The following KANK1 variants were observed in gnomAD, a reference collection of about 807,000 sequenced individuals.
KANK1 encodes the protein KN motif and ankyrin repeat domain-containing protein 1.
In KANK1, 109 loss-of-function variants were observed where a neutral mutation model predicts 106.2. That is an observed-to-expected ratio of 1.03 (90% CI 0.88 to 1.20). The LOEUF is 1.20. Ranked by LOEUF, KANK1 falls within the 50% of genes most tolerant of loss-of-function variation. KANK1 has a pLI of 0.00. For missense variants in KANK1, 2,399 were observed against 1,710.7 expected, an observed-to-expected ratio of 1.40 and a Z score of -7.10; for synonymous variants, 873 against 652.2, an observed-to-expected ratio of 1.34 and a Z score of -5.16.
intron 1 of KANK1, among the ~76,000 whole-genome samples, chr9:556,829 A>C (rs1348779711): frequency 6.6e-6 from 1 of 152,192 alleles, no homozygotes; most frequent in East Asian, 1.9e-4. Flanking sequence ...CGCTTGTTAC[A>C]GACTCACTTA....
intron 1 of KANK1, among the ~76,000 whole-genome samples, chr9:669,178 T>G (rs1424277516): frequency 6.6e-6 from 1 of 152,198 alleles, no homozygotes; most frequent in African/African-American, 2.4e-5. Flanking sequence ...GCTGTAGCTG[T>G]TAGGGTTTTT....
chr9:492,412 C>T (rs540137467), intron 3 of KANK1, among the ~76,000 whole-genome samples: 1 of 152,258 alleles, frequency 6.6e-6, no homozygotes, highest in South Asian at 2.1e-4. Context: ...GATTTACTTA[C>T]TAGATGTGTG....
upstream of KANK1, among the ~76,000 whole-genome samples, chr9:502,031 A>G (rs2132485466): frequency 6.6e-6 from 1 of 152,360 alleles, no homozygotes; most frequent in Admixed American, 6.5e-5. Flanking sequence ...GGAGGAAGAA[A>G]GTACTGAAAC....
At chr9:732,874 C>T in intron 6 of KANK1, 2 of 313,590 alleles carry the variant, frequency 6.4e-6, no homozygotes, top group Non-Finnish European at 1.2e-5. Context: ...CATATGGAAC[C>T]ACAATCCACT....
chr9:497,398 A>G (rs972796955), intron 3 of KANK1, among the ~76,000 whole-genome samples: 1 of 151,328 alleles, frequency 6.6e-6, no homozygotes, highest in African/African-American at 2.4e-5. Flanking sequence ...TCTGAGGGAG[A>G]CTCATTGGTG....
At chr9:689,863 C>T (rs888679683) in intron 2 of KANK1, among the ~76,000 whole-genome samples, 5 of 152,102 alleles carry the variant, frequency 3.3e-5, no homozygotes, top group Non-Finnish European at 7.4e-5. Flanking sequence ...CTGTCTCTTT[C>T]TAAGGCAAAT....
rs1032687611 is a variant in KANK1, at chr9:738,623, C to T, written c.3553+119C>T. The T allele has an allele frequency of 1.4e-5, 11 of 777,882 alleles. No homozygotes were observed. In the African/African-American group the frequency reaches 1.6e-4, roughly 11 times the overall value. 48.2% of individuals were successfully genotyped at this position (777,882 alleles called of 1,614,324 possible). A position where few individuals can be genotyped will look rare whatever the true frequency, so the allele number is the denominator to read the frequency against. On this transcript the variant is annotated intron_variant, in intron 8 of 11. Transcript: ENST00000382297. ...GACCATGCTAAAATCCTTTTTATTG[C>T]TTTTCCACATGACATGGCAAGAATT...
chr9:582,862 T>C (rs1434296961), intron 1 of KANK1, among the ~76,000 whole-genome samples: 1 of 152,254 alleles, frequency 6.6e-6, no homozygotes, highest in African/African-American at 2.4e-5. Context: ...ACTGTTACTA[T>C]AGACGTCACT....
At chr9:637,793 G>A (rs1411060686) in intron 1 of KANK1, among the ~76,000 whole-genome samples, 1 of 151,924 alleles carries the variant, frequency 6.6e-6, no homozygotes, top group African/African-American at 2.4e-5. Context: ...GACTACCAAT[G>A]TCATATATTT....
chr9:568,750 G>A (rs1017420267), intron 1 of KANK1, among the ~76,000 whole-genome samples: 2 of 151,998 alleles, frequency 1.3e-5, no homozygotes, highest in African/African-American at 2.4e-5. Flanking sequence ...CCAAAGCACT[G>A]GGATTACAGG....
At chr9:681,803 A>C (rs946818192) in intron 2 of KANK1, among the ~76,000 whole-genome samples, 2 of 152,078 alleles carry the variant, frequency 1.3e-5, no homozygotes, top group African/African-American at 2.4e-5. Flanking sequence ...AATGACATAA[A>C]TGGATGAGCA....
chr9:593,090 G>T (rs1247827467), intron 1 of KANK1, among the ~76,000 whole-genome samples: 1 of 151,732 alleles, frequency 6.6e-6, no homozygotes, highest in Non-Finnish European at 1.5e-5. Flanking sequence ...GATAATTCTG[G>T]CCGCCAGTTT....
At chr9:515,753 G>A (rs749242697) in intron 1 of KANK1, among the ~76,000 whole-genome samples, 1 of 151,742 alleles carries the variant, frequency 6.6e-6, no homozygotes, top group Non-Finnish European at 1.5e-5. Context: ...TTTTTAAAGG[G>A]TTTTAAAAAG....
intron 1 of KANK1, among the ~76,000 whole-genome samples, chr9:543,835 C>T (rs2060763941): frequency 6.6e-6 from 1 of 152,100 alleles, no homozygotes; most frequent in Non-Finnish European, 1.5e-5. Context: ...TGTTGTTTTG[C>T]CCCTTACCGT....
intron 1 of KANK1, among the ~76,000 whole-genome samples, chr9:569,721 C>G (rs769756211): frequency 6.6e-6 from 1 of 152,126 alleles, no homozygotes; most frequent in Non-Finnish European, 1.5e-5. Flanking sequence ...AAGTTTACTT[C>G]TCTGGTTGGC....
intron 1 of KANK1, among the ~76,000 whole-genome samples, chr9:556,289 TTC>T (rs2061577832): frequency 1.3e-5 from 2 of 152,210 alleles, no homozygotes; most frequent in Non-Finnish European, 2.9e-5. Context: ...TATAAAACTT[TTC>T]TCTGTATGTG....
chr9:736,602 G>C (rs1833861617), intron 7 of KANK1, among the ~76,000 whole-genome samples: 1 of 151,938 alleles, frequency 6.6e-6, no homozygotes, highest in Non-Finnish European at 1.5e-5. Flanking sequence ...GGGAGGCTGA[G>C]GCAAGAAGAT....
At chr9:744,125 G>C (rs1742332581) in intron 10 of KANK1, among the ~76,000 whole-genome samples, 2 of 152,282 alleles carry the variant, frequency 1.3e-5, no homozygotes, top group Middle Eastern at 3.4e-3. Context: ...AAAGGTAAAA[G>C]ATCTTTGGCA....
intron 3 of KANK1, among the ~76,000 whole-genome samples, chr9:486,519 A>G (rs1348859328): frequency 6.6e-6 from 1 of 152,216 alleles, no homozygotes; most frequent in African/African-American, 2.4e-5. Flanking sequence ...TGAAGTCTGT[A>G]GAGGTCACAT....
Sources: allele counts gnomAD v4.1 joint callset (sites outside exome capture counted in the v4.1 genomes callset), GRCh38; gene constraint gnomAD v4.1.1; transcripts MANE v1.5; gene names NCBI Gene and HGNC (gene_info 2026-07-23, HGNC 2026-07-21).